Variants in NCAM1 observed in about 807,000 individuals in gnomAD.
The protein encoded by NCAM1 is neural cell adhesion molecule 1.
In NCAM1, 14 loss-of-function variants were observed where a neutral mutation model predicts 109.8. That is an observed-to-expected ratio of 0.13 (90% CI 0.08 to 0.20). The LOEUF is 0.20. Ranked by LOEUF, NCAM1 falls within the 10% of genes least tolerant of loss-of-function variation. The probability of loss-of-function intolerance (pLI) is 1.00; values close to 1 mark genes in which losing one functional copy is unlikely to be tolerated. For missense variants in NCAM1, 774 were observed against 1,109.9 expected (o/e 0.70, Z 4.30); for synonymous variants, 418 against 442.9 (o/e 0.94, Z 0.70).
At chr11:113,060,498 G>A (rs1163436300) in intron 1 of NCAM1, among the ~76,000 whole-genome samples, 2 of 152,128 alleles carry the variant, frequency 1.3e-5, no homozygotes, top group Non-Finnish European at 2.9e-5. Context: ...GATGTGCGAG[G>A]TTCAGCTTAT....
chr11:113,050,552 A>G (rs1244661882), intron 1 of NCAM1, among the ~76,000 whole-genome samples: 1 of 152,238 alleles, frequency 6.6e-6, no homozygotes, highest in South Asian at 2.1e-4. Context: ...CTATTTTTAT[A>G]CCAGTACCAT....
chr11:113,223,383 G>T (rs1944740883), intron 9 of NCAM1, among the ~76,000 whole-genome samples: 1 of 151,948 alleles, frequency 6.6e-6, no homozygotes, highest in African/African-American at 2.4e-5. Flanking sequence ...TTAGAAGGCT[G>T]GTCTGTGGAC....
chr11:113,007,473 A>G (rs868967585), intron 1 of NCAM1, among the ~76,000 whole-genome samples: 84 of 152,302 alleles, frequency 5.5e-4, no homozygotes, highest in African/African-American at 1.8e-3. Flanking sequence ...AACCCCTAAG[A>G]GCCCTTTCTG....
At chr11:113,191,675 G>T (rs1322840320) in intron 1 of NCAM1, among the ~76,000 whole-genome samples, 1 of 151,776 alleles carries the variant, frequency 6.6e-6, no homozygotes, top group Non-Finnish European at 1.5e-5. Flanking sequence ...TGAAGTGCTT[G>T]GTACAGTGGC....
chr11:113,086,632 G>A (rs1939103735), intron 1 of NCAM1, among the ~76,000 whole-genome samples: 2 of 152,072 alleles, frequency 1.3e-5, no homozygotes, highest in African/African-American at 4.8e-5. Flanking sequence ...TCTTATTTAT[G>A]TCTTTCACCT....
intron 1 of NCAM1, among the ~76,000 whole-genome samples, chr11:112,965,504 C>T (rs1950708641): frequency 1.3e-5 from 2 of 152,192 alleles, no homozygotes; most frequent in Admixed American, 1.3e-4. Context: ...AATTGCCTTT[C>T]AAAGTAAACA....
intron 1 of NCAM1, among the ~76,000 whole-genome samples, chr11:113,014,703 C>T (rs1230196210): frequency 2.6e-5 from 4 of 152,170 alleles, no homozygotes; most frequent in African/African-American, 7.2e-5. Flanking sequence ...AAGGCTGTCT[C>T]CATAGTATTG....
intron 1 of NCAM1, among the ~76,000 whole-genome samples, chr11:113,042,134 T>C (rs1555080067): frequency 6.6e-6 from 1 of 152,234 alleles, no homozygotes; most frequent in African/African-American, 2.4e-5. Context: ...AGCAGATCCC[T>C]GAGCCCAGAG....
intron 1 of NCAM1, among the ~76,000 whole-genome samples, chr11:112,998,961 T>C (rs1265161969): frequency 1.3e-5 from 2 of 152,142 alleles, no homozygotes; most frequent in African/African-American, 2.4e-5. Flanking sequence ...GTTTCATTCT[T>C]GATGGACTGA....
At chr11:113,134,036 C>A (rs1941508965) in intron 1 of NCAM1, 1 of 151,270 alleles carries the variant, frequency 6.6e-6, no homozygotes, top group Non-Finnish European at 1.5e-5. Flanking sequence ...TTTAAGTATA[C>A]CCTTCAGTAG....
rs568895361 is a variant in NCAM1 at position 112,974,513 on chromosome 11, G to T, written c.52+12849G>T. Among the ~76,000 whole-genome samples, 56 of 152,054 alleles carry T rather than the reference G, an allele frequency of 3.7e-4. No individual in the cohort carries two copies. The Middle Eastern group carries it at 0.02, about 55-fold the overall frequency. On this transcript the variant is annotated intron_variant, in intron 1 of 19. Transcript: ENST00000316851. ...TTCATGAGTACTTACATTTTCTTTT[G>T]GACTGATTGACTTAAGAGAATCCAA...
At chr11:113,237,556 T>G (rs1945200570) in intron 14 of NCAM1, among the ~76,000 whole-genome samples, 1 of 152,198 alleles carries the variant, frequency 6.6e-6, no homozygotes, top group Middle Eastern at 3.2e-3. Context: ...CCTGCAGCTA[T>G]GCCCTAAGCA....
intron 1 of NCAM1, among the ~76,000 whole-genome samples, chr11:113,046,584 G>A (rs1555080861): frequency 6.6e-6 from 1 of 152,164 alleles, no homozygotes; most frequent in Non-Finnish European, 1.5e-5. Flanking sequence ...AACCATAAAT[G>A]TTTTGATGTT....
At chr11:113,248,474 A>C (rs147560469) in intron 15 of NCAM1, among the ~76,000 whole-genome samples, 186 of 152,256 alleles carry the variant, frequency 1.2e-3, no homozygotes, top group Middle Eastern at 0.01. Flanking sequence ...AGTTAAGGAC[A>C]GTTATCACCT....
At chr11:113,250,869 C>G (rs547340897) in intron 15 of NCAM1, among the ~76,000 whole-genome samples, 2 of 152,370 alleles carry the variant, frequency 1.3e-5, no homozygotes, top group African/African-American at 4.8e-5. Flanking sequence ...GCGATCTCTG[C>G]TCACTGCAAC....
At chr11:113,242,662 TC>T in intron 14 of NCAM1, 5 of 679,516 alleles carry the variant, frequency 7.4e-6, no homozygotes, top group Non-Finnish European at 1.3e-5. Flanking sequence ...AGAGAATACC[TC>T]CTTCACCATC....
At chr11:113,151,063 CTG>C (rs1555102384) in intron 1 of NCAM1, among the ~76,000 whole-genome samples, 1 of 152,194 alleles carries the variant, frequency 6.6e-6, no homozygotes, top group Non-Finnish European at 1.5e-5. Flanking sequence ...GAGCACAAAA[CTG>C]TGCAAAGCCA....
intron 1 of NCAM1, among the ~76,000 whole-genome samples, chr11:112,991,054 G>A (rs1295984591): frequency 6.6e-6 from 1 of 152,004 alleles, no homozygotes; most frequent in Non-Finnish European, 1.5e-5. Flanking sequence ...TGTGTTTTCT[G>A]CACGTGTTTT....
At chr11:113,051,778 G>T (rs1555081813) in intron 1 of NCAM1, among the ~76,000 whole-genome samples, 1 of 152,128 alleles carries the variant, frequency 6.6e-6, no homozygotes, top group Non-Finnish European at 1.5e-5. Context: ...GCAGTAGTTT[G>T]CTTCAGTTTT....
Sources: allele counts gnomAD v4.1 joint callset (sites outside exome capture counted in the v4.1 genomes callset), GRCh38; gene constraint gnomAD v4.1.1; transcripts MANE v1.5; gene names NCBI Gene and HGNC (gene_info 2026-07-23, HGNC 2026-07-21).